Variants in CACNA2D1 observed in about 807,000 individuals in gnomAD.
CACNA2D1 encodes voltage-dependent calcium channel subunit alpha-2/delta-1.
CACNA2D1 carries 53 observed loss-of-function variants against 171.5 expected under a neutral mutation model. The ratio of observed to expected loss-of-function variants is 0.31; its 90% CI spans 0.25 to 0.39. CACNA2D1 has a LOEUF of 0.39. CACNA2D1 is among the 10% of genes least tolerant of loss of function. The pLI is 1.00. For missense variants in CACNA2D1, 903 were observed against 1,299.8 expected (o/e 0.69, Z 4.69); for synonymous variants, 442 against 443.1 (o/e 1.00, Z 0.03).
At chr7:81,975,804 A>ATGTACATAGCAG (rs111649872) in intron 24 of CACNA2D1, among the ~76,000 whole-genome samples, 1 of 151,626 alleles carries the variant, frequency 6.6e-6, no homozygotes, top group Non-Finnish European at 1.5e-5. Flanking sequence ...GGAATGAATC[A>ATGTACATAGCAG]TGTATACAAC....
chr7:82,194,909 G>A (rs947453170), intron 3 of CACNA2D1, among the ~76,000 whole-genome samples: 1 of 151,936 alleles, frequency 6.6e-6, no homozygotes, highest in African/African-American at 2.4e-5. Flanking sequence ...GGGGGCGGGG[G>A]AGATAGAGAC....
At chr7:82,357,528 T>C (rs943734038) in intron 1 of CACNA2D1, among the ~76,000 whole-genome samples, 11 of 152,050 alleles carry the variant, frequency 7.2e-5, no homozygotes, top group Non-Finnish European at 1.6e-4. Flanking sequence ...CTTCCTATAT[T>C]TGATGTGGAT....
intron 1 of CACNA2D1, 27 bp from the exon 2 acceptor site, chr7:82,349,676 C>A (rs756069428): frequency 4.6e-6 from 7 of 1,533,922 alleles, no homozygotes; most frequent in South Asian, 1.1e-5. Context: ...AGATTATGTT[C>A]TATCAGATCT....
At chr7:82,201,639 G>T (rs1799448280) in intron 3 of CACNA2D1, among the ~76,000 whole-genome samples, 1 of 152,164 alleles carries the variant, frequency 6.6e-6, no homozygotes, top group Non-Finnish European at 1.5e-5. Context: ...TCTAAAGAAT[G>T]ACCCTCAGCT....
At chr7:81,965,453 T>A (rs1794619036) in intron 32 of CACNA2D1, 141 bp downstream of exon 32, 3 of 678,782 alleles carry the variant, frequency 4.4e-6, no homozygotes, top group Non-Finnish European at 8.1e-6. Flanking sequence ...ATGGTTTACA[T>A]AACATTAAGC....
chr7:81,995,486 A>G (rs1294522581), intron 19 of CACNA2D1, among the ~76,000 whole-genome samples: 1 of 152,152 alleles, frequency 6.6e-6, no homozygotes, highest in Non-Finnish European at 1.5e-5. Flanking sequence ...CTTCAGTAGA[A>G]TACTCCAAAT....
intron 12 of CACNA2D1, among the ~76,000 whole-genome samples, chr7:82,016,531 G>A (rs1245494179): frequency 1.4e-5 from 2 of 147,920 alleles, no homozygotes; most frequent in South Asian, 2.2e-4. Flanking sequence ...TAATAACATC[G>A]AGGCTACACT....
chr7:82,037,927 C>A, intron 11 of CACNA2D1, 150 bp downstream of exon 11: 1 of 672,696 alleles, frequency 1.5e-6, no homozygotes, highest in Non-Finnish European at 2.5e-6. Flanking sequence ...AAAAATAGTT[C>A]AAAGGTTTCT....
chr7:82,212,576 T>A (rs898150916), intron 3 of CACNA2D1, among the ~76,000 whole-genome samples: 7 of 152,222 alleles, frequency 4.6e-5, no homozygotes, highest in Non-Finnish European at 8.8e-5. Flanking sequence ...GGAATAAAAC[T>A]TTCACAGAGA....
At chr7:81,973,042 T>C (rs1331527672) in intron 25 of CACNA2D1, among the ~76,000 whole-genome samples, 1 of 151,974 alleles carries the variant, frequency 6.6e-6, no homozygotes, top group Non-Finnish European at 1.5e-5. Context: ...TAAAACAAAA[T>C]AAATAGATAC....
rs549890847 is a variant in CACNA2D1, at chr7:82,110,879, G to A, written c.526+6165C>T. Among the ~76,000 whole-genome samples, 9 of 152,142 alleles carry A rather than the reference G, an allele frequency of 5.9e-5. 1 individual carries two copies. The South Asian group carries it at 1.7e-3, about 28-fold the overall frequency. On this transcript the variant is annotated intron_variant, in intron 6 of 38. Transcript: ENST00000356860. The stretch of plus-strand genomic sequence containing the variant: ...AACCTCTTCTCTATTTTTATCGAGA[G>A]CACTCATTACACTACGATATACACT...
At chr7:82,198,716 C>G (rs972826550) in intron 3 of CACNA2D1, among the ~76,000 whole-genome samples, 1 of 150,174 alleles carries the variant, frequency 6.7e-6, no homozygotes, top group Non-Finnish European at 1.5e-5. Flanking sequence ...GAATTCCCAT[C>G]AAAGAAAGCA....
chr7:82,161,938 C>T (rs1181414457), intron 4 of CACNA2D1, among the ~76,000 whole-genome samples: 1 of 151,780 alleles, frequency 6.6e-6, no homozygotes, highest in Non-Finnish European at 1.5e-5. Flanking sequence ...GAAAAGGTAC[C>T]AATAAAGACT....
chr7:82,299,166 T>C (rs376572449), intron 3 of CACNA2D1, among the ~76,000 whole-genome samples: 1 of 152,148 alleles, frequency 6.6e-6, no homozygotes, highest in East Asian at 1.9e-4. Context: ...AAACATGTTG[T>C]TAACATTAAA....
chr7:82,067,336 A>C (rs771816776), intron 7 of CACNA2D1, among the ~76,000 whole-genome samples: 2 of 152,192 alleles, frequency 1.3e-5, no homozygotes, highest in Non-Finnish European at 2.9e-5. Flanking sequence ...ATGTTTAAAC[A>C]TATGACTCCT....
At chr7:82,281,839 T>C (rs890635121) in intron 3 of CACNA2D1, among the ~76,000 whole-genome samples, 5 of 152,102 alleles carry the variant, frequency 3.3e-5, no homozygotes, top group East Asian at 1.9e-4. Flanking sequence ...CATTCTAAAA[T>C]TGACAATTCC....
chr7:82,307,820 A>C (rs1813924790), intron 3 of CACNA2D1, among the ~76,000 whole-genome samples: 1 of 152,184 alleles, frequency 6.6e-6, no homozygotes, highest in African/African-American at 2.4e-5. Context: ...TTCTGTTTAA[A>C]TGCAAAGAGG....
At chr7:82,262,809 G>C (rs2129335024) in intron 3 of CACNA2D1, among the ~76,000 whole-genome samples, 1 of 152,186 alleles carries the variant, frequency 6.6e-6, no homozygotes, top group Admixed American at 6.5e-5. Flanking sequence ...CATGAAACCT[G>C]TAAGAGTCAC....
At chr7:82,320,233 A>C (rs73164282) in intron 3 of CACNA2D1, among the ~76,000 whole-genome samples, 12,640 of 152,206 alleles carry the variant, frequency 0.083, 626 homozygotes, top group African/African-American at 0.13. Flanking sequence ...TTTAAAATTA[A>C]GTCCTACTTA....
Sources: gnomAD v4.1 joint callset for allele counts (sites outside exome capture counted in the v4.1 genomes callset) on GRCh38, gnomAD v4.1.1 for gene constraint, MANE v1.5 for transcripts, NCBI Gene and HGNC (gene_info 2026-07-23, HGNC 2026-07-21) for gene names.